PDE4D: variants seen among roughly 807,000 people sequenced by gnomAD.
PDE4D encodes the protein phosphodiesterase 4D.
In PDE4D, 24 loss-of-function variants were observed where a neutral mutation model predicts 87.4. The observed-to-expected ratio is 0.27, with a 90% CI of 0.20 to 0.39. The LOEUF (loss-of-function observed/expected upper bound fraction) is 0.39. PDE4D is among the 10% of genes least tolerant of loss of function. PDE4D has a pLI of 1.00. For missense variants in PDE4D, 714 were observed against 1,041.0 expected (o/e 0.69, Z 4.32); for synonymous variants, 384 against 383.2 (o/e 1.00, Z -0.02).
At chr5:60,449,998 A>G (rs1054147615) in intron 1 of PDE4D, among the ~76,000 whole-genome samples, 2 of 151,438 alleles carry the variant, frequency 1.3e-5, no homozygotes, top group Non-Finnish European at 2.9e-5. Context: ...CATGTGTTAA[A>G]ATATATAGAA....
chr5:59,409,331 G>C (rs553748407), intron 1 of PDE4D, among the ~76,000 whole-genome samples: 6 of 152,044 alleles, frequency 3.9e-5, no homozygotes, highest in African/African-American at 1.4e-4. Flanking sequence ...TATGACTCTG[G>C]GAGACTGTTG....
intron 1 of PDE4D, among the ~76,000 whole-genome samples, chr5:59,744,600 GC>G (rs765387178): frequency 2.0e-5 from 3 of 152,058 alleles, no homozygotes; most frequent in Non-Finnish European, 4.4e-5. Context: ...GCTATCTAGA[GC>G]CACCCTGCTT....
rs1298319574 is a variant in PDE4D, at chr5:59,660,681, A to G, written c.455+232487T>C. Among the ~76,000 whole-genome samples the G allele has an allele frequency of 2.6e-5, 4 of 152,174 alleles. No homozygotes were observed. In the East Asian group the frequency reaches 5.8e-4, roughly 22 times the overall value. On this transcript the variant is annotated intron_variant, in intron 1 of 14. Transcript: ENST00000340635. ...ATCACCCAGGAAAAAAAGATGCCAA[A>G]TTGAACTAAAAGGCTACTTTACAAT...
At chr5:59,425,255 A>C (rs1253385515) in intron 1 of PDE4D, among the ~76,000 whole-genome samples, 1 of 152,220 alleles carries the variant, frequency 6.6e-6, no homozygotes, top group Non-Finnish European at 1.5e-5. Context: ...TACCTAAAAA[A>C]TATCAATCAT....
chr5:59,174,547 T>C (rs937729498), intron 5 of PDE4D: 11 of 152,624 alleles, frequency 7.2e-5, no homozygotes, highest in African/African-American at 2.4e-4. Context: ...TCTATGCCTC[T>C]GGGGTATAAG....
chr5:60,319,384 G>C (rs569641874), intron 1 of PDE4D, among the ~76,000 whole-genome samples: 1 of 152,088 alleles, frequency 6.6e-6, no homozygotes, highest in Non-Finnish European at 1.5e-5. Context: ...TTAGCCATTC[G>C]TCTTATCGTT....
intron 1 of PDE4D, among the ~76,000 whole-genome samples, chr5:59,676,906 A>G (rs1748184279): frequency 6.6e-6 from 1 of 152,098 alleles, no homozygotes. Flanking sequence ...TATTCTTAAC[A>G]AATATTTCTC....
chr5:59,018,263 A>G (rs781083757), intron 6 of PDE4D, among the ~76,000 whole-genome samples: 1 of 152,210 alleles, frequency 6.6e-6, no homozygotes, highest in Non-Finnish European at 1.5e-5. Flanking sequence ...GGAGATTTCA[A>G]ATTGGCATAA....
chr5:59,877,191 ATTG>A (rs1748719303), intron 1 of PDE4D, among the ~76,000 whole-genome samples: 1 of 152,132 alleles, frequency 6.6e-6, no homozygotes, highest in South Asian at 2.1e-4. Flanking sequence ...TGAAGTGTTT[ATTG>A]TTGTTGCTGT....
intron 1 of PDE4D, among the ~76,000 whole-genome samples, chr5:59,713,492 G>A (rs529092212): frequency 7.9e-5 from 12 of 152,266 alleles, no homozygotes; most frequent in African/African-American, 2.4e-4. Context: ...GTAAAGGCAC[G>A]TTGAAACTGT....
At chr5:60,244,909 A>G (rs1747575560) in intron 1 of PDE4D, among the ~76,000 whole-genome samples, 1 of 152,056 alleles carries the variant, frequency 6.6e-6, no homozygotes, top group African/African-American at 2.4e-5. Flanking sequence ...GTAATGCTCC[A>G]CAAGCACAGG....
intron 1 of PDE4D, among the ~76,000 whole-genome samples, chr5:59,710,339 A>G (rs564313574): frequency 1.3e-5 from 2 of 152,298 alleles, no homozygotes; most frequent in African/African-American, 4.8e-5. Context: ...ATGGTGAAAG[A>G]ATCAACAAAA....
chr5:59,770,007 A>C lies in PDE4D; in HGVS notation c.455+123161T>G, dbSNP rs1159797291. ...AAAAGTGTACTCTGAGGTTCTATTC[A>C]CAGAAGGACAGGGTCAACCACTTGG... On this transcript the variant is annotated intron_variant, in intron 1 of 14. Transcript: ENST00000340635. Among the ~76,000 whole-genome samples the C allele has an allele frequency of 2.0e-5, 3 of 152,290 alleles. 1 individual carries two copies. Among genetic ancestry groups the C allele is most frequent in the South Asian group, 4.1e-4 (2 of 4,822 alleles).
chr5:59,065,149 C>A (rs1763740790), intron 5 of PDE4D, among the ~76,000 whole-genome samples: 1 of 148,778 alleles, frequency 6.7e-6, no homozygotes, highest in African/African-American at 2.5e-5. Flanking sequence ...TTATTCAGCC[C>A]TAAAAAAGGA....
intron 2 of PDE4D, among the ~76,000 whole-genome samples, chr5:60,060,583 T>A (rs1289607528): frequency 6.6e-6 from 1 of 152,056 alleles, no homozygotes; most frequent in Non-Finnish European, 1.5e-5. Flanking sequence ...CCCTGAGGAG[T>A]TGATTTCAAC....
chr5:60,142,880 G>T (rs1266768038), intron 2 of PDE4D, among the ~76,000 whole-genome samples: 1 of 152,206 alleles, frequency 6.6e-6, no homozygotes, highest in Non-Finnish European at 1.5e-5. Flanking sequence ...TTTGATTTAG[G>T]ATTGTGGCCA....
chr5:59,193,085 A>T (rs1744695993), intron 3 of PDE4D, among the ~76,000 whole-genome samples: 1 of 152,180 alleles, frequency 6.6e-6, no homozygotes, highest in African/African-American at 2.4e-5. Context: ...CACTCAGCTA[A>T]ATCTCTGCAC....
chr5:60,032,923 CTT>C (rs1035067868), intron 2 of PDE4D: 13 of 152,092 alleles, frequency 8.5e-5, no homozygotes, highest in Admixed American at 2.0e-4. Context: ...CTTGCAAACT[CTT>C]TATTTCTTTG....
At chr5:60,118,012 T>C (rs532531381) in intron 2 of PDE4D, among the ~76,000 whole-genome samples, 20 of 152,344 alleles carry the variant, frequency 1.3e-4, no homozygotes, top group African/African-American at 3.6e-4. Flanking sequence ...TTCATGTTGT[T>C]TGACATTTGT....
Sources: gnomAD v4.1 joint callset for allele counts (sites outside exome capture counted in the v4.1 genomes callset) on GRCh38, gnomAD v4.1.1 for gene constraint, MANE v1.5 for transcripts, NCBI Gene and HGNC (gene_info 2026-07-23, HGNC 2026-07-21) for gene names.